Variants in E2F3 observed in about 807,000 individuals in gnomAD.
E2F3 encodes the protein E2F transcription factor 3.
A neutral mutation model predicts 44.4 loss-of-function variants in E2F3; 11 were observed. The ratio of observed to expected loss-of-function variants is 0.25; its 90% CI spans 0.16 to 0.41. E2F3 has a LOEUF of 0.41. Ranked by LOEUF, E2F3 falls within the 10% of genes least tolerant of loss-of-function variation. The probability of loss-of-function intolerance (pLI) is 1.00; values close to 1 mark genes in which losing one functional copy is unlikely to be tolerated. For missense variants in E2F3, 487 were observed against 583.6 expected (o/e 0.83, Z 1.70); for synonymous variants, 249 against 253.0 (o/e 0.98, Z 0.15).
chr6:20,480,195 T>C (rs1385700976), intron 2 of E2F3, among the ~76,000 whole-genome samples: 2 of 152,224 alleles, frequency 1.3e-5, no homozygotes, highest in East Asian at 1.9e-4. Context: ...AGTTTCATTT[T>C]TCAACTCGGA....
chr6:20,480,839 T>C (rs1762199420), intron 2 of E2F3, among the ~76,000 whole-genome samples: 1 of 152,192 alleles, frequency 6.6e-6, no homozygotes, highest in African/African-American at 2.4e-5. Context: ...ACCGTAGGCC[T>C]CGTGTGTGCT....
At chr6:20,480,257 A>G (rs1018352471) in intron 2 of E2F3, among the ~76,000 whole-genome samples, 3 of 152,200 alleles carry the variant, frequency 2.0e-5, no homozygotes, top group African/African-American at 7.2e-5. Flanking sequence ...ACTTCCCTTA[A>G]TGGACATTGC....
chr6:20,403,774 C>G, intron 1 of E2F3: 1 of 1,498,504 alleles, frequency 6.7e-7, no homozygotes, highest in South Asian at 1.2e-5. Flanking sequence ...CCCTCTCCAG[C>G]CGGCCCCCCA....
At chr6:20,478,273 C>T (rs982891471) in intron 1 of E2F3, among the ~76,000 whole-genome samples, 1 of 152,136 alleles carries the variant, frequency 6.6e-6, no homozygotes, top group African/African-American at 2.4e-5. Context: ...TTATTTATTT[C>T]ATTTAACATG....
At chr6:20,433,922 G>T (rs142042731) in intron 1 of E2F3, among the ~76,000 whole-genome samples, 1 of 152,238 alleles carries the variant, frequency 6.6e-6, no homozygotes, top group African/African-American at 2.4e-5. Context: ...TATCAAATGT[G>T]GTCCCCACCC....
At chr6:20,484,787 T>G (rs547793827) in intron 4 of E2F3, among the ~76,000 whole-genome samples, 1 of 152,218 alleles carries the variant, frequency 6.6e-6, no homozygotes, top group South Asian at 2.1e-4. Context: ...GCATTCAGTT[T>G]CTAATAAGAA....
chr6:20,418,872 AG>A (rs1413653381), intron 1 of E2F3, among the ~76,000 whole-genome samples: 4 of 151,202 alleles, frequency 2.6e-5, no homozygotes, highest in Non-Finnish European at 5.9e-5. Context: ...ACTTGTTTTT[AG>A]TACCTGCTTA....
chr6:20,459,308 C>T (rs777096134), intron 1 of E2F3, among the ~76,000 whole-genome samples: 9 of 152,186 alleles, frequency 5.9e-5, no homozygotes, highest in Non-Finnish European at 1.0e-4. Context: ...CCAGGAAGAG[C>T]TTCAGTGGGA....
At chr6:20,467,030 C>G (rs766909073) in intron 1 of E2F3, among the ~76,000 whole-genome samples, 34 of 152,120 alleles carry the variant, frequency 2.2e-4, no homozygotes, top group Non-Finnish European at 4.1e-4. Flanking sequence ...AAATTTCCAC[C>G]TTCCTGTGAG....
intron 1 of E2F3, among the ~76,000 whole-genome samples, chr6:20,435,567 A>G (rs1760546711): frequency 1.3e-5 from 2 of 152,198 alleles, no homozygotes. Flanking sequence ...CCTGGCCAAC[A>G]TGGTGAAACC....
At chr6:20,486,845 G>A in intron 5 of E2F3, 42 bp downstream of exon 5, 1 of 1,326,186 alleles carries the variant, frequency 7.5e-7, no homozygotes, top group Non-Finnish European at 1.1e-6. Context: ...AGATCTTTGT[G>A]GAATGCCTGA....
rs35856468 is a variant in E2F3, at chr6:20,466,685, C to CTT, written c.394-13147_394-13146dup. 2.3e-3 allele frequency among the ~76,000 whole-genome samples: 300 copies of CTT among 127,686 alleles called. 1 individual carries two copies. The highest frequency in any genetic ancestry group is 8.4e-3 in the African/African-American group (286 of 34,156). The allele number at this position is 127,686 out of a possible 152,430, so 83.8% of individuals were successfully genotyped here. A position where few individuals can be genotyped will look rare whatever the true frequency, so the allele number is the denominator to read the frequency against. ...TCTGTTTCATCCCTATCGGTGTGTT[C>CTT]TTTTTTTTTTTTTTTGAGACGGAGT... is the stretch of plus-strand genomic sequence containing the variant. On this transcript the variant is annotated intron_variant, in intron 1 of 6. Coordinates refer to ENST00000346618, the MANE Select transcript of E2F3 (RefSeq NM_001949.5).
intron 1 of E2F3, chr6:20,403,847 C>G (rs937749269): frequency 1.3e-5 from 19 of 1,459,632 alleles, no homozygotes; most frequent in Middle Eastern, 1.7e-4. Flanking sequence ...GTGACCGGGA[C>G]GGCTCGGGGG....
chr6:20,489,106 G>A (rs1215384467), intron 6 of E2F3, among the ~76,000 whole-genome samples: 1 of 152,188 alleles, frequency 6.6e-6, no homozygotes, highest in African/African-American at 2.4e-5. Flanking sequence ...AGATATATAT[G>A]CAATTGTTTC....
intron 5 of E2F3, among the ~76,000 whole-genome samples, 171 bp downstream of exon 5, chr6:20,486,974 A>G (rs1039939896): frequency 2.0e-5 from 3 of 152,222 alleles, no homozygotes; most frequent in Non-Finnish European, 4.4e-5. Context: ...TTTGATGTTC[A>G]TTGAGTATTC....
rs1215430194 is a variant in E2F3 at position 20,402,086 on chromosome 6, TA to T, written c.-142del. 2.2e-6 allele frequency: 3 copies of T among 1,351,616 alleles called. No homozygotes were observed. The highest frequency in any genetic ancestry group is 1.6e-5 in the African/African-American group (1 of 64,252). The allele number at this position is 1,351,616 out of a possible 1,614,324, so 83.7% of individuals were successfully genotyped here. Reference sequence around the variant, plus strand: ...CCGGGGCCTGTGCGGTGCGGAAAAATAAAAAGAAAAGAGAGAGAGGGGGCTC... The same window carrying T: ...CCGGGGCCTGTGCGGTGCGGAAAAATAAAAGAAAAGAGAGAGAGGGGGCTC... On this transcript the variant is annotated 5_prime_UTR_variant, in exon 1 of 7. Coordinates refer to ENST00000346618, the MANE Select transcript of E2F3 (RefSeq NM_001949.5). This position sits in a 1 kb window ranked among gnomAD's most constrained non-coding sequence, Gnocchi z 5.6.
intron 1 of E2F3, among the ~76,000 whole-genome samples, chr6:20,447,224 G>A (rs138059616): frequency 1.7e-4 from 26 of 152,256 alleles, no homozygotes; most frequent in Non-Finnish European, 3.5e-4. Flanking sequence ...TCTGCAGCTT[G>A]GGACAGATGT....
At chr6:20,436,542 G>A (rs1760591838) in intron 1 of E2F3, among the ~76,000 whole-genome samples, 1 of 152,030 alleles carries the variant, frequency 6.6e-6, no homozygotes, top group African/African-American at 2.4e-5. Flanking sequence ...CTGTTGGGAT[G>A]CATTCAAAGC....
At chr6:20,480,054 T>A in intron 2 of E2F3, 97 bp downstream of exon 2, 1 of 1,469,556 alleles carries the variant, frequency 6.8e-7, no homozygotes, top group East Asian at 2.5e-5. Flanking sequence ...TGAATAATTC[T>A]GGCATGTTTT....
Sources: gnomAD v4.1 joint callset for allele counts (sites outside exome capture counted in the v4.1 genomes callset) on GRCh38, gnomAD v4.1.1 for gene constraint, Gnocchi (gnomAD v3.1) non-coding constraint, MANE v1.5 for transcripts, NCBI Gene and HGNC (gene_info 2026-07-23, HGNC 2026-07-21) for gene names.